FRMD5: variants seen among roughly 807,000 people sequenced by gnomAD.
FRMD5 encodes FERM domain containing 5.
A neutral mutation model predicts 69.0 loss-of-function variants in FRMD5; 20 were observed. The observed-to-expected ratio is 0.29, with a 90% CI of 0.20 to 0.42. The LOEUF (loss-of-function observed/expected upper bound fraction) is 0.42, where lower values mean the gene tolerates loss of function less well. Ranked by LOEUF, FRMD5 falls within the 10% of genes least tolerant of loss-of-function variation. The pLI, the probability that FRMD5 is intolerant of heterozygous loss-of-function variation, is 1.00. For missense variants in FRMD5, 595 were observed against 708.6 expected (o/e 0.84, Z 1.82); for synonymous variants, 271 against 260.1 (o/e 1.04, Z -0.40).
Position 43,924,259 on chromosome 15 carries a change from G to C in FRMD5, c.153C>G (p.Asn51Lys). The change falls in exon 2 of 14, where the codon AAC becomes AAG. Residue 51 changes from asparagine to lysine, a missense_variant. By Grantham distance (94) the Asn-to-Lys change is moderately conservative. This residue lies in a region of FRMD5 where 79 missense variants were observed against 139.9 expected (regional missense o/e 0.56). Coordinates refer to ENST00000417257, the MANE Select transcript of FRMD5 (RefSeq NM_032892.5). ...YLFDLLCHHLNLLEKDYFGIR... is the reference protein window; with the variant it reads ...YLFDLLCHHLKLLEKDYFGIR... ...TACCAAAATAGTCTTTCTCAAGTAG[G>C]TTCAGATGGTGGCAAAGAAGGTCAA... is the stretch of plus-strand genomic sequence containing the variant. 1.2e-6 allele frequency: 2 copies of C among 1,614,150 alleles called. No homozygotes were observed. The highest frequency in any genetic ancestry group is 1.7e-6 in the Non-Finnish European group (2 of 1,180,010).
At chr15:43,959,265 T>C (rs977011174) in intron 1 of FRMD5, among the ~76,000 whole-genome samples, 2 of 152,208 alleles carry the variant, frequency 1.3e-5, no homozygotes, top group Non-Finnish European at 2.9e-5. Context: ...GAATGATAAA[T>C]TTAACACTAC....
At chr15:44,036,590 A>G (rs554108304) in intron 1 of FRMD5, among the ~76,000 whole-genome samples, 2 of 152,332 alleles carry the variant, frequency 1.3e-5, no homozygotes, top group East Asian at 3.9e-4. Context: ...GTAGTTGATC[A>G]TAGTTATTAA....
chr15:43,926,397 C>T (rs983294028), intron 1 of FRMD5, among the ~76,000 whole-genome samples: 1 of 152,208 alleles, frequency 6.6e-6, no homozygotes, highest in African/African-American at 2.4e-5. Flanking sequence ...GTGGTTATCA[C>T]GTTTGTCTCA....
chr15:43,875,977 TG>T, intron 13 of FRMD5: 1 of 1,385,730 alleles, frequency 7.2e-7, no homozygotes, highest in Non-Finnish European at 1.0e-6. Flanking sequence ...GGTCCCACCA[TG>T]GACCCTCTGG....
intron 1 of FRMD5, among the ~76,000 whole-genome samples, chr15:44,075,573 T>G (rs1893723524): frequency 6.6e-6 from 1 of 152,262 alleles, no homozygotes; most frequent in Middle Eastern, 3.4e-3. Flanking sequence ...TTCTCCCTAT[T>G]TTAGACAGTA....
chr15:44,092,069 T>C (rs2076481476), intron 1 of FRMD5, among the ~76,000 whole-genome samples: 1 of 152,190 alleles, frequency 6.6e-6, no homozygotes, highest in African/African-American at 2.4e-5. Flanking sequence ...AATAACTGCT[T>C]CATATTTTTC....
rs201561490 is a variant in FRMD5, at chr15:43,910,089, T to TA, written c.330-111dup. On this transcript the variant is annotated intron_variant, in intron 4 of 13. Transcript: ENST00000417257. ...CTTTGTCAGGATACTTTTACTACATTAAAAAAAAATCCTAAAACATAATGT... is the reference window on the plus strand; with the variant it reads ...CTTTGTCAGGATACTTTTACTACATTAAAAAAAAAATCCTAAAACATAATGT... The TA allele has an allele frequency of 8.0e-3, 4,404 of 550,496 alleles. 71 individuals carry two copies. Among genetic ancestry groups the TA allele is most frequent in the African/African-American group, 0.053 (2,825 of 52,892 alleles). 34.1% of individuals were successfully genotyped at this position (550,496 alleles called of 1,614,324 possible).
intron 1 of FRMD5, among the ~76,000 whole-genome samples, chr15:43,957,968 A>G (rs928737240): frequency 2.6e-5 from 4 of 152,210 alleles, no homozygotes; most frequent in Non-Finnish European, 5.9e-5. Flanking sequence ...TCCACAAGGT[A>G]TATATCATTA....
At position 44,139,727 on chromosome 15, in the gene FRMD5, C is replaced by CAAAAAAAAAAAAA. The variant is rs71111842; in HGVS notation, c.102+55213_102+55225dup. On this transcript the variant is annotated intron_variant, in intron 1 of 13. Transcript: ENST00000417257. The stretch of plus-strand genomic sequence containing the variant: ...GCAATAAAGTGAGACCCAGTCTCTA[C>CAAAAAAAAAAAAA]AAAAAAAAAAAAAAAAAAAAAAAAA... 2.1e-4 allele frequency among the ~76,000 whole-genome samples: 15 copies of CAAAAAAAAAAAAA among 72,030 alleles called. 1 individual carries two copies. Among genetic ancestry groups the CAAAAAAAAAAAAA allele is most frequent in the African/African-American group, 2.8e-4 (5 of 17,646 alleles). 47.3% of individuals were successfully genotyped at this position (72,030 alleles called of 152,430 possible).
chr15:43,897,259 G>A (rs1207642016), intron 7 of FRMD5, among the ~76,000 whole-genome samples: 3 of 151,826 alleles, frequency 2.0e-5, no homozygotes, highest in East Asian at 1.9e-4. Flanking sequence ...AGGCCGAGGC[G>A]GGCAGATCAC....
chr15:43,878,325 G>A (rs895603556), intron 13 of FRMD5, among the ~76,000 whole-genome samples: 9 of 152,272 alleles, frequency 5.9e-5, no homozygotes, highest in African/African-American at 9.6e-5. Context: ...CCCTGTCAAC[G>A]CTGTTAAGTG....
At chr15:44,158,631 T>C (rs905209617) in intron 1 of FRMD5, among the ~76,000 whole-genome samples, 5 of 152,162 alleles carry the variant, frequency 3.3e-5, no homozygotes, top group African/African-American at 1.2e-4. Context: ...TGCTGAGAAA[T>C]TACATACTCA....
intron 1 of FRMD5, among the ~76,000 whole-genome samples, chr15:43,991,802 G>C (rs1371085723): frequency 6.6e-6 from 1 of 152,150 alleles, no homozygotes; most frequent in Admixed American, 6.5e-5. Flanking sequence ...TTACGTATTA[G>C]CTCTGCTAAA....
In FRMD5 at chr15:43,872,959, A is replaced by G; in HGVS notation, c.*926T>C. ...GCTATCCAAATCTCAACAGTCTCTCAGGTAACTTAACTCTGCTTTCTCTTA... is the reference window on the plus strand; with the variant it reads ...GCTATCCAAATCTCAACAGTCTCTCGGGTAACTTAACTCTGCTTTCTCTTA... On this transcript the variant is annotated 3_prime_UTR_variant, in exon 14 of 14. Coordinates refer to ENST00000417257, the MANE Select transcript of FRMD5 (RefSeq NM_032892.5). The G allele has an allele frequency of 7.6e-6, 4 of 527,558 alleles. No individual in the cohort carries two copies. Among genetic ancestry groups the G allele is most frequent in the Non-Finnish European group, 1.3e-5 (4 of 300,298 alleles). 32.7% of individuals were successfully genotyped at this position (527,558 alleles called of 1,614,324 possible).
intron 1 of FRMD5, among the ~76,000 whole-genome samples, chr15:43,979,293 C>T (rs2090512293): frequency 2.0e-5 from 3 of 151,788 alleles, no homozygotes; most frequent in Admixed American, 2.0e-4. Flanking sequence ...GGAGATCACG[C>T]CATTGCACTC....
At chr15:44,184,618 G>A (rs1487723835) in intron 1 of FRMD5, among the ~76,000 whole-genome samples, 1 of 152,174 alleles carries the variant, frequency 6.6e-6, no homozygotes, top group Admixed American at 6.5e-5. Context: ...AGCAGTGATG[G>A]CAATTAGAAA....
At chr15:44,111,988 T>C (rs1468609379) in intron 1 of FRMD5, among the ~76,000 whole-genome samples, 34 of 151,206 alleles carry the variant, frequency 2.2e-4, no homozygotes, top group Admixed American at 2.1e-3. Flanking sequence ...GGACTACAGG[T>C]GCCCGCCACC....
At chr15:44,090,797 T>C (rs2076461034) in intron 1 of FRMD5, among the ~76,000 whole-genome samples, 1 of 152,220 alleles carries the variant, frequency 6.6e-6, no homozygotes, top group Non-Finnish European at 1.5e-5. Flanking sequence ...TTATAGTACT[T>C]ATTTCCAAAG....
chr15:44,134,124 TG>T (rs1566963839), intron 1 of FRMD5, among the ~76,000 whole-genome samples: 1 of 151,754 alleles, frequency 6.6e-6, no homozygotes, highest in African/African-American at 2.4e-5. Flanking sequence ...GCAAATACTT[TG>T]TTTTTTTTTT....
Sources: gnomAD v4.1 joint callset for allele counts (sites outside exome capture counted in the v4.1 genomes callset) on GRCh38, gnomAD v4.1.1 for gene constraint, gnomAD v4.1.1 regional missense constraint, MANE v1.5 for transcripts, NCBI Gene and HGNC (gene_info 2026-07-23, HGNC 2026-07-21) for gene names.